Variants in EPHB2 observed in about 807,000 individuals in gnomAD.
EPHB2 encodes EPH receptor B2.
EPHB2 carries 18 observed loss-of-function variants against 96.4 expected under a neutral mutation model. The ratio of observed to expected loss-of-function variants is 0.19; its 90% CI spans 0.13 to 0.28. EPHB2 has a LOEUF of 0.28. Among genes scored for constraint, EPHB2 ranks in the 10% least tolerant of loss-of-function variants. The probability of loss-of-function intolerance (pLI) is 1.00; values close to 1 mark genes in which losing one functional copy is unlikely to be tolerated. For missense variants in EPHB2, 989 were observed against 1,355.4 expected, an observed-to-expected ratio of 0.73 and a Z score of 4.25; for synonymous variants, 506 against 534.1, an observed-to-expected ratio of 0.95 and a Z score of 0.72.
chr1:22,823,597 C>T (rs1645182621), intron 3 of EPHB2, among the ~76,000 whole-genome samples: 1 of 152,166 alleles, frequency 6.6e-6, no homozygotes, highest in South Asian at 2.1e-4. Context: ...GTCACTGTCT[C>T]CTCAAGTGAT....
In EPHB2 at chr1:22,916,353, C is replaced by A. The variant is rs906311168; in HGVS notation, c.*2783C>A. On this transcript the variant is annotated 3_prime_UTR_variant, in exon 16 of 16. Transcript: ENST00000374630. This position sits in a 1 kb window ranked among gnomAD's most constrained non-coding sequence, Gnocchi z 4.2. ...TGTCTGCCCCTCCACCCTCCAGGGC[C>A]GAGGTCCTCAGTGGCCATGGCCCCC... 1 of 152,330 alleles carries A rather than the reference C, an allele frequency of 6.6e-6. No individual in the cohort carries two copies. The highest frequency in any genetic ancestry group is 1.5e-5 in the Non-Finnish European group (1 of 68,140). 9.4% of individuals were successfully genotyped at this position (152,330 alleles called of 1,614,324 possible). A position where few individuals can be genotyped will look rare whatever the true frequency, so the allele number is the denominator to read the frequency against.
At chr1:22,741,018 G>A (rs1236387679) in intron 1 of EPHB2, among the ~76,000 whole-genome samples, 2 of 151,804 alleles carry the variant, frequency 1.3e-5, no homozygotes, top group African/African-American at 2.4e-5. Flanking sequence ...TCCAGCTTAT[G>A]TGCCCTGCTC....
At chr1:22,884,159 A>C (rs1352999729) in intron 6 of EPHB2, among the ~76,000 whole-genome samples, 4 of 152,338 alleles carry the variant, frequency 2.6e-5, no homozygotes, top group Non-Finnish European at 5.9e-5. Flanking sequence ...TGGACACTGA[A>C]GGAATGAATT....
At chr1:22,827,672 A>G (rs138178750) in intron 3 of EPHB2, among the ~76,000 whole-genome samples, 40 of 152,340 alleles carry the variant, frequency 2.6e-4, no homozygotes, top group African/African-American at 9.4e-4. Context: ...TAAGTCCTCA[A>G]TCAAACCATG....
chr1:22,808,291 G>T (rs1328367699), intron 3 of EPHB2, among the ~76,000 whole-genome samples: 1 of 152,212 alleles, frequency 6.6e-6, no homozygotes, highest in African/African-American at 2.4e-5. Context: ...GCTCCTGCAG[G>T]AAACCATGAC....
At chr1:22,847,800 C>T (rs1197337166) in intron 3 of EPHB2, among the ~76,000 whole-genome samples, 2 of 151,996 alleles carry the variant, frequency 1.3e-5, no homozygotes, top group Non-Finnish European at 2.9e-5. Flanking sequence ...TCCCCCCATA[C>T]ACCCTGTGCT....
Position 22,858,264 on chromosome 1 carries a change from A to G in EPHB2, c.812-4773A>G, listed in dbSNP as rs1645734214. 6.6e-6 allele frequency among the ~76,000 whole-genome samples: 1 copy of G among 152,172 alleles called. No individual in the cohort carries two copies. The highest frequency in any genetic ancestry group is 6.5e-5 in the Admixed American group (1 of 15,282). Reference sequence around the variant, plus strand: ...AAGCGTCCAGGAGACCATCAGGACCAACCTCACAGGCCTTGTAGCCAGGCT... The same window carrying G: ...AAGCGTCCAGGAGACCATCAGGACCGACCTCACAGGCCTTGTAGCCAGGCT... On this transcript the variant is annotated intron_variant, in intron 3 of 15. Transcript: ENST00000374630. The surrounding 1 kb of genome is among the most constrained non-coding windows in gnomAD (Gnocchi z 7.7).
At chr1:22,743,130 G>A (rs972216004) in intron 1 of EPHB2, among the ~76,000 whole-genome samples, 3 of 151,916 alleles carry the variant, frequency 2.0e-5, no homozygotes, top group Admixed American at 6.6e-5. Context: ...GGGCTCAAAC[G>A]GTCCTTCAAC....
chr1:22,722,617 G>A (rs572660073), intron 1 of EPHB2, among the ~76,000 whole-genome samples: 2 of 152,304 alleles, frequency 1.3e-5, no homozygotes, highest in East Asian at 3.9e-4. Flanking sequence ...ATCCAGGAAC[G>A]TAAGAGCCAT....
chr1:22,764,261 T>G (rs939682070), intron 1 of EPHB2, among the ~76,000 whole-genome samples: 4 of 152,294 alleles, frequency 2.6e-5, no homozygotes, highest in African/African-American at 2.4e-5. Context: ...TGTTATAATT[T>G]GAGTGATAAT....
chr1:22,816,876 C>T (rs754828620), intron 3 of EPHB2, among the ~76,000 whole-genome samples: 8 of 152,214 alleles, frequency 5.3e-5, no homozygotes, highest in Non-Finnish European at 1.2e-4. Context: ...TCCAGGTCTC[C>T]TGGCCAGGAC....
At chr1:22,794,778 A>G (rs1644743643) in intron 3 of EPHB2, among the ~76,000 whole-genome samples, 1 of 152,176 alleles carries the variant, frequency 6.6e-6, no homozygotes, top group Non-Finnish European at 1.5e-5. Flanking sequence ...TCTCGGCCCC[A>G]GACTGGCTCA....
intron 5 of EPHB2, among the ~76,000 whole-genome samples, chr1:22,873,862 C>G (rs376275252): frequency 6.6e-6 from 1 of 152,256 alleles, no homozygotes; most frequent in Admixed American, 6.5e-5. Context: ...ACGGCCACTT[C>G]TAGCTGCCAG....
chr1:22,841,764 T>C (rs1402748533), intron 3 of EPHB2, among the ~76,000 whole-genome samples: 1 of 152,204 alleles, frequency 6.6e-6, no homozygotes, highest in East Asian at 1.9e-4. Context: ...TCACTCCTGC[T>C]GTATATGTCA....
At chr1:22,753,658 GT>G (rs1282819674) in intron 1 of EPHB2, among the ~76,000 whole-genome samples, 1 of 152,188 alleles carries the variant, frequency 6.6e-6, no homozygotes, top group Non-Finnish European at 1.5e-5. Context: ...CAGGCTGCCT[GT>G]GGGGGAGAGG....
At chr1:22,863,277 G>T (rs72871539) in intron 4 of EPHB2, 85 bp downstream of exon 4, 8 of 1,594,554 alleles carry the variant, frequency 5.0e-6, no homozygotes, top group Non-Finnish European at 6.8e-6. Flanking sequence ...ATTGGGTGCC[G>T]TCCGGTTACA....
At position 22,824,263 on chromosome 1, in the gene EPHB2, G is replaced by A. The variant is rs563850849; in HGVS notation, c.812-38774G>A. Among the ~76,000 whole-genome samples, 3 of 151,696 alleles carry A rather than the reference G, an allele frequency of 2.0e-5. No homozygotes were observed. In the South Asian group the frequency reaches 6.3e-4, roughly 32 times the overall value. On this transcript the variant is annotated intron_variant, in intron 3 of 15. Transcript: ENST00000374630. ...AAGGAAGGTCTAACTGATGGATGGG[G>A]GAAGGAAGGGAGGGAGGGAAGAAGG...
intron 3 of EPHB2, among the ~76,000 whole-genome samples, chr1:22,830,541 A>G (rs1645289792): frequency 1.3e-5 from 2 of 152,270 alleles, no homozygotes; most frequent in African/African-American, 4.8e-5. Flanking sequence ...CCTGGCCCTT[A>G]ATGTGTTCAA....
chr1:22,720,312 AT>A (rs1294862887), intron 1 of EPHB2, among the ~76,000 whole-genome samples: 1 of 152,098 alleles, frequency 6.6e-6, no homozygotes, highest in South Asian at 2.1e-4. Flanking sequence ...ACTGGGCTTG[AT>A]TTTTTTGTTT....
Sources: allele counts gnomAD v4.1 joint callset (sites outside exome capture counted in the v4.1 genomes callset), GRCh38; gene constraint gnomAD v4.1.1; non-coding constraint Gnocchi (gnomAD v3.1); transcripts MANE v1.5; gene names NCBI Gene and HGNC (gene_info 2026-07-23, HGNC 2026-07-21).